The following C12orf42 variants were observed in gnomAD, a reference collection of about 807,000 sequenced individuals.
C12orf42 encodes the protein uncharacterized protein C12orf42.
Under a neutral mutation model 21.6 loss-of-function variants are expected in C12orf42, and 25 were observed. The observed-to-expected ratio is 1.16, with a 90% CI of 0.84 to 1.62. The LOEUF is 1.62. Ranked by LOEUF, C12orf42 falls within the 40% of genes most tolerant of loss-of-function variation. The pLI is 0.00. For missense variants in C12orf42, 483 were observed against 459.3 expected, an observed-to-expected ratio of 1.05 and a Z score of -0.47; for synonymous variants, 174 against 175.0, an observed-to-expected ratio of 0.99 and a Z score of 0.05.
intron 4 of C12orf42, among the ~76,000 whole-genome samples, chr12:103,342,701 T>G: frequency 8.0e-6 from 1 of 125,232 alleles, no homozygotes; most frequent in East Asian, 2.6e-4. Context: ...ACAAGCCCAC[T>G]CTTAAGCAAA....
At chr12:103,144,937 C>T in the C12orf42 span, among the ~76,000 whole-genome samples, 3 of 152,104 alleles carry the variant, frequency 2.0e-5, no homozygotes, top group African/African-American at 4.8e-5. Flanking sequence ...ATCATTGTGT[C>T]CTTCCCTCAA....
the C12orf42 span, chr12:103,178,429 C>T: frequency 1.3e-5 from 2 of 152,218 alleles, no homozygotes; most frequent in African/African-American, 4.8e-5. Flanking sequence ...GTCTTTTCAC[C>T]TGGCTCGAGC....
At chr12:103,058,973 G>T in the C12orf42 span, among the ~76,000 whole-genome samples, 114 of 152,104 alleles carry the variant, frequency 7.5e-4, 1 homozygote, top group African/African-American at 2.6e-3. Context: ...AAATAACTAA[G>T]ATCAGAGCAG....
chr12:103,100,440 G>A, the C12orf42 span, among the ~76,000 whole-genome samples: 2 of 152,326 alleles, frequency 1.3e-5, no homozygotes, highest in South Asian at 4.1e-4. Flanking sequence ...AAACAGAAAC[G>A]ATTCTGTTCG....
chr12:103,244,199 C>A (rs1164423843), intron 10 of C12orf42, among the ~76,000 whole-genome samples: 1 of 152,108 alleles, frequency 6.6e-6, no homozygotes, highest in Non-Finnish European at 1.5e-5. Context: ...AGTCCCATAA[C>A]ATGCACGGAT....
chr12:103,409,093 G>A (rs2048635648), intron 2 of C12orf42, among the ~76,000 whole-genome samples: 2 of 152,086 alleles, frequency 1.3e-5, no homozygotes, highest in Admixed American at 6.6e-5. Context: ...TTAGGAACCC[G>A]CCAGTCTAGT....
chr12:103,294,628 G>GAA (rs1339821197), intron 4 of C12orf42, among the ~76,000 whole-genome samples: 1 of 146,618 alleles, frequency 6.8e-6, no homozygotes, highest in South Asian at 2.2e-4. Context: ...AAGAAAGAAA[G>GAA]AAAGAAAGAA....
the C12orf42 span, among the ~76,000 whole-genome samples, chr12:103,184,348 T>A: frequency 6.6e-6 from 1 of 152,232 alleles, no homozygotes; most frequent in Non-Finnish European, 1.5e-5. Flanking sequence ...CTTTATCAGG[T>A]GTTAATATAG....
the C12orf42 span, among the ~76,000 whole-genome samples, chr12:103,060,877 A>G: frequency 2.0e-5 from 3 of 152,220 alleles, no homozygotes; most frequent in Non-Finnish European, 4.4e-5. Context: ...ACCCCAGAAA[A>G]AAACCTATGC....
the C12orf42 span, among the ~76,000 whole-genome samples, chr12:103,195,577 C>T: frequency 6.6e-6 from 1 of 151,996 alleles, no homozygotes; most frequent in African/African-American, 2.4e-5. Context: ...TGCTTGTTGG[C>T]TAGATGTATA....
chr12:103,457,756 G>A lies in C12orf42; in HGVS notation c.78+20593C>T, dbSNP rs545464916. Among the ~76,000 whole-genome samples, 125 of 152,216 alleles carry A rather than the reference G, an allele frequency of 8.2e-4. 2 individuals carry two copies. Among genetic ancestry groups the A allele is most frequent in the African/African-American group, 2.7e-3 (112 of 41,538 alleles). On this transcript the variant is annotated intron_variant, in intron 2 of 5. Coordinates refer to ENST00000548883, the MANE Select transcript of C12orf42 (RefSeq NM_198521.5). ...TTTCTCCACTTCCCACAAGTTTCAC[G>A]TTTATATGCTCTGCCCTCCTGGCAG...
intron 10 of C12orf42, among the ~76,000 whole-genome samples, chr12:103,238,970 G>A (rs1041906632): frequency 2.0e-5 from 3 of 152,158 alleles, no homozygotes; most frequent in African/African-American, 7.2e-5. Flanking sequence ...GAGAATTGTG[G>A]GCAACTGTGG....
intron 2 of C12orf42, among the ~76,000 whole-genome samples, chr12:103,427,922 T>C (rs1949969935): frequency 6.6e-6 from 1 of 152,086 alleles, no homozygotes; most frequent in African/African-American, 2.4e-5. Flanking sequence ...TTCTTTGAAG[T>C]CAGTGAGAAC....
chr12:103,224,632 G>A, the C12orf42 span, among the ~76,000 whole-genome samples: 58 of 152,336 alleles, frequency 3.8e-4, no homozygotes, highest in African/African-American at 7.9e-4. Flanking sequence ...TGAAGGAGCC[G>A]GGGAGCAGAA....
Position 103,361,879 on chromosome 12 carries a change from C to T in C12orf42, c.259+7008G>A, listed in dbSNP as rs1306486431. 2.6e-5 allele frequency among the ~76,000 whole-genome samples: 4 copies of T among 152,206 alleles called. No homozygotes were observed. In the East Asian group the frequency reaches 7.7e-4, roughly 29 times the overall value. On this transcript the variant is annotated intron_variant, in intron 4 of 5. Transcript: ENST00000548883. ...CACCCAAGGGGAGTCTAAGTTCAGA[C>T]ACACCTAACCCTTCCCCAACCTGAT...
intron 3 of C12orf42, among the ~76,000 whole-genome samples, chr12:103,386,002 G>A (rs2046579601): frequency 6.6e-6 from 1 of 152,198 alleles, no homozygotes. Flanking sequence ...GGAAATAATA[G>A]TAACAGCTAG....
At chr12:103,361,307 TGGAGCTGA>T (rs2044082561) in intron 4 of C12orf42, among the ~76,000 whole-genome samples, 1 of 152,100 alleles carries the variant, frequency 6.6e-6, no homozygotes, top group African/African-American at 2.4e-5. Flanking sequence ...TGACCTTACC[TGGAGCTGA>T]GTCAATTTAG....
chr12:103,250,803 T>A (rs2034260197), intron 10 of C12orf42, among the ~76,000 whole-genome samples: 1 of 152,078 alleles, frequency 6.6e-6, no homozygotes, highest in African/African-American at 2.4e-5. Context: ...TCACAAGCTT[T>A]TTCCCTCCCA....
rs563685892 is a variant in C12orf42, at chr12:103,459,305, C to T, written c.78+19044G>A. Among the ~76,000 whole-genome samples, 17 of 152,300 alleles carry T rather than the reference C, an allele frequency of 1.1e-4. No individual in the cohort carries two copies. The East Asian group carries it at 2.5e-3, about 22-fold the overall frequency. On this transcript the variant is annotated intron_variant, in intron 2 of 5. Transcript: ENST00000548883. ...ATAGGGTTTGGATATTTGTCCCCTC[C>T]AAATCTCATGTTTAAATATAATCCC... is the stretch of plus-strand genomic sequence containing the variant.
Sources: allele counts gnomAD v4.1 joint callset (sites outside exome capture counted in the v4.1 genomes callset), GRCh38; gene constraint gnomAD v4.1.1; transcripts MANE v1.5; gene names NCBI Gene and HGNC (gene_info 2026-07-23, HGNC 2026-07-21).